MCUB: variants seen among roughly 807,000 people sequenced by gnomAD.
MCUB encodes mitochondrial calcium uniporter dominant negative subunit beta, also known as calcium uniporter regulatory subunit MCUb, mitochondrial.
Under a neutral mutation model 41.4 loss-of-function variants are expected in MCUB, and 46 were observed. That is an observed-to-expected ratio of 1.11 (90% CI 0.88 to 1.42). The LOEUF (loss-of-function observed/expected upper bound fraction) is 1.42, where lower values mean the gene tolerates loss of function less well. MCUB is among the 40% of genes most tolerant of loss of function. The pLI is 0.00. For missense variants in MCUB, 403 were observed against 404.9 expected (o/e 1.00, Z 0.04); for synonymous variants, 148 against 148.2 (o/e 1.00, Z 0.01).
Position 109,580,038 on chromosome 4 carries a change from C to A in MCUB, c.99+19602C>A, listed in dbSNP as rs139796119. On this transcript the variant is annotated intron_variant, in intron 1 of 7. Coordinates refer to ENST00000394650, the MANE Select transcript of MCUB (RefSeq NM_017918.5). ...ATGCTATCCCTCCCCTTGCCCCCCA[C>A]CCCACAACAGGCCCCAAGGTGTGGT... is the stretch of plus-strand genomic sequence containing the variant. Among the ~76,000 whole-genome samples, 34 of 152,178 alleles carry A rather than the reference C, an allele frequency of 2.2e-4. No homozygotes were observed. In the East Asian group the frequency reaches 6.2e-3, roughly 28 times the overall value.
chr4:109,599,833 T>C (rs975109745), intron 1 of MCUB, among the ~76,000 whole-genome samples: 1 of 152,060 alleles, frequency 6.6e-6, no homozygotes, highest in East Asian at 1.9e-4. Context: ...CATAGCCAGC[T>C]AATTTTCTGT....
At chr4:109,591,728 T>A (rs1458101470) in intron 1 of MCUB, among the ~76,000 whole-genome samples, 2 of 152,158 alleles carry the variant, frequency 1.3e-5, no homozygotes, top group African/African-American at 4.8e-5. Flanking sequence ...AAATGGAGTC[T>A]GGCTCTGTCA....
intron 7 of MCUB, among the ~76,000 whole-genome samples, chr4:109,686,378 A>ATCC (rs1244809803): frequency 6.6e-6 from 1 of 152,204 alleles, no homozygotes; most frequent in Admixed American, 6.5e-5. Flanking sequence ...ACCTCAAGTG[A>ATCC]TCCACCTGCC....
intron 1 of MCUB, among the ~76,000 whole-genome samples, chr4:109,634,131 A>T (rs879182951): frequency 6.6e-6 from 1 of 152,172 alleles, no homozygotes; most frequent in Admixed American, 6.5e-5. Flanking sequence ...TTAATGAGTG[A>T]TCATGCCATG....
intron 1 of MCUB, among the ~76,000 whole-genome samples, chr4:109,583,144 T>C (rs1412683977): frequency 6.6e-6 from 1 of 152,222 alleles, no homozygotes; most frequent in Non-Finnish European, 1.5e-5. Flanking sequence ...ATCTATAAAT[T>C]ACCTTGGGCG....
intron 1 of MCUB, among the ~76,000 whole-genome samples, chr4:109,605,580 T>C (rs1435573648): frequency 6.6e-6 from 1 of 152,200 alleles, no homozygotes; most frequent in Non-Finnish European, 1.5e-5. Flanking sequence ...TAATCTTTCT[T>C]GATTGATTTT....
intron 1 of MCUB, among the ~76,000 whole-genome samples, chr4:109,567,695 G>A (rs1305410534): frequency 1.3e-5 from 2 of 151,652 alleles, no homozygotes; most frequent in Non-Finnish European, 2.9e-5. Context: ...TTTGAACAGG[G>A]GCTTTTTATT....
At chr4:109,584,451 C>T (rs1305055467) in intron 1 of MCUB, among the ~76,000 whole-genome samples, 1 of 152,100 alleles carries the variant, frequency 6.6e-6, no homozygotes, top group African/African-American at 2.4e-5. Context: ...TCTCTGTCTC[C>T]TTCAGTTCTG....
At chr4:109,568,222 A>G (rs1726827470) in intron 1 of MCUB, among the ~76,000 whole-genome samples, 1 of 152,230 alleles carries the variant, frequency 6.6e-6, no homozygotes, top group Non-Finnish European at 1.5e-5. Context: ...TAGAATTGGT[A>G]TAATAAACCG....
In MCUB at chr4:109,668,069, C is replaced by G. The variant is rs371124658; in HGVS notation, c.451+3675C>G. Reference sequence around the variant, plus strand: ...TTTTATAGCCTTCATTGTGATCTGTCTTGATGAGATGTTCCCTGTGAACTT... The same window carrying G: ...TTTTATAGCCTTCATTGTGATCTGTGTTGATGAGATGTTCCCTGTGAACTT... On this transcript the variant is annotated intron_variant, in intron 4 of 7. Coordinates refer to ENST00000394650, the MANE Select transcript of MCUB (RefSeq NM_017918.5). Among the ~76,000 whole-genome samples, 4 of 151,782 alleles carry G rather than the reference C, an allele frequency of 2.6e-5. No homozygotes were observed. The East Asian group carries it at 5.8e-4, about 22-fold the overall frequency.
intron 1 of MCUB, among the ~76,000 whole-genome samples, chr4:109,578,670 T>C (rs1453331704): frequency 6.6e-6 from 1 of 152,138 alleles, no homozygotes; most frequent in Non-Finnish European, 1.5e-5. Context: ...TGGCCAATTT[T>C]TCTTTTTTTA....
intron 4 of MCUB, 134 bp from the exon 5 acceptor site, chr4:109,682,448 C>T: frequency 1.5e-6 from 1 of 678,496 alleles, no homozygotes; most frequent in South Asian, 2.0e-5. Context: ...CCTTTGTTTA[C>T]ATGTTTGTAC....
chr4:109,585,772 T>C (rs1436368802), intron 1 of MCUB, among the ~76,000 whole-genome samples: 1 of 152,258 alleles, frequency 6.6e-6, no homozygotes, highest in Non-Finnish European at 1.5e-5. Context: ...TGTTGAATAT[T>C]GGCCCCCACT....
At chr4:109,684,910 TA>T (rs35776161) in intron 6 of MCUB, 7 of 378,466 alleles carry the variant, frequency 1.8e-5, no homozygotes, top group South Asian at 7.4e-5. Context: ...CCCTCATTTA[TA>T]AAAAAAACTG....
chr4:109,597,806 C>T (rs1727611445), intron 1 of MCUB, among the ~76,000 whole-genome samples: 1 of 151,050 alleles, frequency 6.6e-6, no homozygotes, highest in South Asian at 2.1e-4. Context: ...GACGGGGCAG[C>T]TGCTGGGCAG....
chr4:109,618,649 T>C (rs940657220), intron 1 of MCUB, among the ~76,000 whole-genome samples: 1 of 152,212 alleles, frequency 6.6e-6, no homozygotes. Context: ...CAGATTATAA[T>C]TAGCAAAGAT....
chr4:109,625,893 C>T (rs6815178), intron 1 of MCUB, among the ~76,000 whole-genome samples: 452 of 152,318 alleles, frequency 3.0e-3, no homozygotes, highest in African/African-American at 0.01. Context: ...CTTAAATTAT[C>T]TGCAAAGAAA....
chr4:109,637,965 G>A (rs908793543), intron 1 of MCUB, among the ~76,000 whole-genome samples: 1 of 152,166 alleles, frequency 6.6e-6, no homozygotes, highest in African/African-American at 2.4e-5. Flanking sequence ...GATATTGCAG[G>A]TTTGGTTCCA....
chr4:109,563,351 T>C (rs911405301), intron 1 of MCUB, among the ~76,000 whole-genome samples: 1 of 152,228 alleles, frequency 6.6e-6, no homozygotes, highest in African/African-American at 2.4e-5. Context: ...ACAAAGCATA[T>C]GGATGTTTAA....
Sources: gnomAD v4.1 joint callset for allele counts (sites outside exome capture counted in the v4.1 genomes callset) on GRCh38, gnomAD v4.1.1 for gene constraint, MANE v1.5 for transcripts, NCBI Gene and HGNC (gene_info 2026-07-23, HGNC 2026-07-21) for gene names.